Variants in UBN2 observed in about 807,000 individuals in gnomAD.
The protein encoded by UBN2 is ubinuclein-2.
In UBN2, 35 loss-of-function variants were observed where a neutral mutation model predicts 120.2. That is an observed-to-expected ratio of 0.29 (90% CI 0.22 to 0.39). The LOEUF is 0.39. Ranked by LOEUF, UBN2 falls within the 10% of genes least tolerant of loss-of-function variation. UBN2 has a pLI of 1.00. For synonymous variants in UBN2, 661 were observed against 648.7 expected (o/e 1.02, Z -0.29); for missense variants, 1,693 against 1,663.2 (o/e 1.02, Z -0.31).
chr7:139,266,308 A>T (rs775299676), intron 6 of UBN2, 25 bp from the exon 7 acceptor site: 4 of 1,482,754 alleles, frequency 2.7e-6, no homozygotes, highest in Non-Finnish European at 3.7e-6. Context: ...ATTTTGATTT[A>T]TTATCATCTT....
At chr7:139,328,026 T>G in the UBN2 span, among the ~76,000 whole-genome samples, 1 of 152,226 alleles carries the variant, frequency 6.6e-6, no homozygotes, top group African/African-American at 2.4e-5. Context: ...TTCATTCTCC[T>G]TAAGTTATAT....
At chr7:139,292,489 A>G (rs73154107) in intron 15 of UBN2, among the ~76,000 whole-genome samples, 1 of 152,136 alleles carries the variant, frequency 6.6e-6, no homozygotes, top group African/African-American at 2.4e-5. Flanking sequence ...GTAATTTCAG[A>G]AAAGTAATAA....
chr7:139,293,962 C>T lies in UBN2; in HGVS notation c.3975C>T (p.His1325=), dbSNP rs1798037566. The T allele has an allele frequency of 1.9e-6, 3 of 1,614,144 alleles. No homozygotes were observed. Among genetic ancestry groups the T allele is most frequent in the Non-Finnish European group, 1.7e-6 (2 of 1,179,992 alleles). Residue 1325 remains histidine, a synonymous_variant, in exon 17 of 18, where the codon CAC becomes CAT. Coordinates refer to ENST00000473989, the MANE Select transcript of UBN2 (RefSeq NM_173569.4). ...ATLSHSPLPA[H]LQQAFHDGGQ... ...TTTCCCACTCACCTCTGCCTGCACA[C>T]TTACAGCAAGCATTTCACGGTGAGA...
chr7:139,258,984 T>C lies in UBN2; in HGVS notation c.802-283T>C, dbSNP rs760220388. On this transcript the variant is annotated intron_variant, in intron 4 of 17. Transcript: ENST00000473989. ...GTATACATTGTCTTTGGGAAAGATA[T>C]AGTGTCCTTGGATAAGTGTTTCTTG... Among the ~76,000 whole-genome samples the C allele has an allele frequency of 3.3e-5, 5 of 152,218 alleles. No individual in the cohort carries two copies. In the South Asian group the frequency reaches 6.2e-4, roughly 19 times the overall value.
chr7:139,272,563 G>C, intron 9 of UBN2, 123 bp downstream of exon 9: 1 of 725,128 alleles, frequency 1.4e-6, no homozygotes, highest in Non-Finnish European at 2.2e-6. Flanking sequence ...ATCTCAGTCT[G>C]TTGCCCAGGC....
rs927328117 is a variant in UBN2, at chr7:139,273,858, A to T, written c.1830-73A>T. ...GTTTGTTATTTTCTGAATTTTTCAC[A>T]TAATCTGTATTATTGCTGCCAAATG... On this transcript the variant is annotated intron_variant, in intron 10 of 17. Transcript: ENST00000473989. 3.8e-6 allele frequency: 5 copies of T among 1,303,828 alleles called. No homozygotes were observed. The Admixed American group carries it at 1.4e-4, about 37-fold the overall frequency. The allele number at this position is 1,303,828 out of a possible 1,614,324, so 80.8% of individuals were successfully genotyped here.
the UBN2 span, among the ~76,000 whole-genome samples, chr7:139,322,948 C>T: frequency 6.6e-6 from 1 of 152,146 alleles, no homozygotes; most frequent in Non-Finnish European, 1.5e-5. Context: ...AGGAAGCTGA[C>T]GAGTGGCAGT....
At chr7:139,234,595 C>T (rs1044406968) in intron 1 of UBN2, among the ~76,000 whole-genome samples, 1 of 152,084 alleles carries the variant, frequency 6.6e-6, no homozygotes, top group Non-Finnish European at 1.5e-5. Context: ...TCATCTCTAT[C>T]CTGAAAGATT....
At chr7:139,327,387 C>T in the UBN2 span, among the ~76,000 whole-genome samples, 3 of 152,190 alleles carry the variant, frequency 2.0e-5, 1 homozygote, top group African/African-American at 7.2e-5. Flanking sequence ...GTGTTACTAT[C>T]ACAGAATACC....
At chr7:139,326,461 G>A in the UBN2 span, among the ~76,000 whole-genome samples, 1 of 152,036 alleles carries the variant, frequency 6.6e-6, no homozygotes, top group East Asian at 1.9e-4. Context: ...TTTCCCCATA[G>A]AACACATCAC....
chr7:139,262,238 T>C (rs1365452458), intron 6 of UBN2, among the ~76,000 whole-genome samples: 2 of 152,120 alleles, frequency 1.3e-5, no homozygotes, highest in African/African-American at 4.8e-5. Context: ...TATCTGGGAT[T>C]ACAGGTGCGC....
intron 2 of UBN2, among the ~76,000 whole-genome samples, chr7:139,240,238 A>C (rs1796279614): frequency 6.6e-6 from 1 of 151,726 alleles, no homozygotes; most frequent in Non-Finnish European, 1.5e-5. Context: ...TATATTAACC[A>C]AAAAGCATGC....
At chr7:139,326,128 T>C in the UBN2 span, among the ~76,000 whole-genome samples, 1 of 152,088 alleles carries the variant, frequency 6.6e-6, no homozygotes, top group Admixed American at 6.5e-5. Context: ...TGGTGGTGTG[T>C]ACCTGTAGTC....
chr7:139,267,347 A>G (rs951775867), intron 7 of UBN2, among the ~76,000 whole-genome samples: 1 of 152,094 alleles, frequency 6.6e-6, no homozygotes. Flanking sequence ...CAGCTTGGGG[A>G]ACATAGTGAA....
At chr7:139,261,122 TTAA>T (rs928624209) in intron 5 of UBN2, 127 bp from the exon 6 acceptor site, 4 of 1,112,170 alleles carry the variant, frequency 3.6e-6, no homozygotes, top group Admixed American at 5.8e-5. Context: ...ATAGTATAAG[TTAA>T]TAAGAAATTA....
intron 3 of UBN2, among the ~76,000 whole-genome samples, chr7:139,255,048 A>G (rs775627987): frequency 6.6e-6 from 1 of 152,182 alleles, no homozygotes; most frequent in Admixed American, 6.5e-5. Context: ...CTACCATGGT[A>G]GTATCACACA....
chr7:139,290,651 A>G (rs1004140798), intron 15 of UBN2, among the ~76,000 whole-genome samples: 8 of 152,224 alleles, frequency 5.3e-5, no homozygotes, highest in Non-Finnish European at 8.8e-5. Flanking sequence ...TTATTCTCTT[A>G]ACTCTCAGAT....
chr7:139,273,501 T>C, intron 10 of UBN2, 91 bp downstream of exon 10: 1 of 899,782 alleles, frequency 1.1e-6, no homozygotes, highest in African/African-American at 1.7e-5. Flanking sequence ...AAAACTAGAT[T>C]GGAAGCAACC....
chr7:139,284,557 G>A lies in UBN2; in HGVS notation c.3652G>A (p.Val1218Ile). The change falls in exon 15 of 18, where the codon GTA becomes ATA. Residue 1218 changes from valine to isoleucine, a missense_variant. By Grantham distance (29) the Val-to-Ile change is conservative. Coordinates refer to ENST00000473989, the MANE Select transcript of UBN2 (RefSeq NM_173569.4). ...RPSTASGSSV[V>I]TASVQSTAGA... ...ATCCACTGCCTCAGGGTCTTCAGTG[G>A]TAACAGCCAGTGTGCAGGTATGTAT... 2 of 1,611,148 alleles carry A rather than the reference G, an allele frequency of 1.2e-6. No homozygotes were observed. The highest frequency in any genetic ancestry group is 1.7e-6 in the Non-Finnish European group (2 of 1,179,034).
Sources: gnomAD v4.1 joint callset for allele counts (sites outside exome capture counted in the v4.1 genomes callset) on GRCh38, gnomAD v4.1.1 for gene constraint, MANE v1.5 for transcripts, NCBI Gene and HGNC (gene_info 2026-07-23, HGNC 2026-07-21) for gene names.